Variants in PROSER2 observed in about 807,000 individuals in gnomAD.
The protein encoded by PROSER2 is proline and serine-rich protein 2.
In PROSER2, 18 loss-of-function variants were observed where a neutral mutation model predicts 14.6. The observed-to-expected ratio is 1.23, with a 90% CI of 0.85 to 1.83. The LOEUF is 1.83. PROSER2 is among the 40% of genes most tolerant of loss of function. The pLI is 0.00. For synonymous variants in PROSER2, 367 were observed against 286.4 expected, an observed-to-expected ratio of 1.28 and a Z score of -2.84; for missense variants, 823 against 629.8, an observed-to-expected ratio of 1.31 and a Z score of -3.28.
At chr10:11,855,932 G>T (rs986012056) in intron 2 of PROSER2, among the ~76,000 whole-genome samples, 2 of 152,188 alleles carry the variant, frequency 1.3e-5, no homozygotes, top group Non-Finnish European at 2.9e-5. Context: ...AGTTGTGTGT[G>T]TGCATTTTTT....
chr10:11,860,452 C>T (rs1272787157), intron 2 of PROSER2, among the ~76,000 whole-genome samples: 2 of 151,646 alleles, frequency 1.3e-5, no homozygotes, highest in African/African-American at 4.8e-5. Flanking sequence ...CCCGTCTCTG[C>T]TAAAAATACA....
intron 1 of PROSER2, among the ~76,000 whole-genome samples, chr10:11,842,851 G>A (rs537376144): frequency 4.7e-5 from 7 of 150,394 alleles, no homozygotes; most frequent in South Asian, 4.2e-4. Flanking sequence ...ATATGTGTGC[G>A]TGAATGTGTG....
At position 11,836,265 on chromosome 10, in the gene PROSER2, C is replaced by G. The variant is rs1033762907; in HGVS notation, c.-82+12795C>G. ...AGGCTGGTGTGCAGTGGTGTGATCT[C>G]CACTCACTGCAGCCTCCACCTTCCA... On this transcript the variant is annotated intron_variant, in intron 1 of 3. Coordinates refer to ENST00000277570, the MANE Select transcript of PROSER2 (RefSeq NM_153256.4). The surrounding 1 kb of genome is among the most constrained non-coding windows in gnomAD (Gnocchi z 4.6). Among the ~76,000 whole-genome samples the G allele has an allele frequency of 1.3e-5, 2 of 151,954 alleles. No homozygotes were observed. Among genetic ancestry groups the G allele is most frequent in the Non-Finnish European group, 2.9e-5 (2 of 67,996 alleles).
At chr10:11,827,527 T>C (rs191013474) in intron 1 of PROSER2, among the ~76,000 whole-genome samples, 2 of 152,128 alleles carry the variant, frequency 1.3e-5, no homozygotes, top group Non-Finnish European at 2.9e-5. Flanking sequence ...TTGTCTGACT[T>C]GCGCTTTGTC....
At position 11,847,172 on chromosome 10, in the gene PROSER2, T is replaced by A. The variant is rs1325136887; in HGVS notation, c.-81-4825T>A. On this transcript the variant is annotated intron_variant, in intron 1 of 3. Coordinates refer to ENST00000277570, the MANE Select transcript of PROSER2 (RefSeq NM_153256.4). Reference sequence around the variant, plus strand: ...ATAAATAAATATATATATATATATATATATATATATATGAATCCAAAATGC... The same window carrying A: ...ATAAATAAATATATATATATATATAAATATATATATATGAATCCAAAATGC... 8.6e-3 allele frequency among the ~76,000 whole-genome samples: 1,272 copies of A among 148,468 alleles called. 21 individuals carry two copies. The highest frequency in any genetic ancestry group is 0.029 in the African/African-American group (1,199 of 40,818).
At position 11,838,769 on chromosome 10, in the gene PROSER2, C is replaced by T. The variant is rs1018306160; in HGVS notation, c.-81-13228C>T. Reference sequence around the variant, plus strand: ...AGTGAGGTTGAACATCTGTCTTGTACTTAATAATCATCTGGTTTCCTCGTT... The same window carrying T: ...AGTGAGGTTGAACATCTGTCTTGTATTTAATAATCATCTGGTTTCCTCGTT... On this transcript the variant is annotated intron_variant, in intron 1 of 3. Transcript: ENST00000277570. This position sits in a 1 kb window ranked among gnomAD's most constrained non-coding sequence, Gnocchi z 4.4. Among the ~76,000 whole-genome samples, 1 of 152,208 alleles carries T rather than the reference C, an allele frequency of 6.6e-6. No homozygotes were observed. Among genetic ancestry groups the T allele is most frequent in the Admixed American group, 6.5e-5 (1 of 15,280 alleles).
At chr10:11,829,575 C>T (rs1372521622) in intron 1 of PROSER2, among the ~76,000 whole-genome samples, 5 of 150,978 alleles carry the variant, frequency 3.3e-5, no homozygotes, top group African/African-American at 1.2e-4. Flanking sequence ...GAGCGAGACC[C>T]TGTCTCAAAA....
chr10:11,865,995 C>T lies in PROSER2; in HGVS notation c.139-536C>T, dbSNP rs147193123. ...GTCAGTTTCCACCTGTCCTGCTCTCCGGCTGCCCTGCTTTTGGCTGTTGGA... is the reference window on the plus strand; with the variant it reads ...GTCAGTTTCCACCTGTCCTGCTCTCTGGCTGCCCTGCTTTTGGCTGTTGGA... On this transcript the variant is annotated intron_variant, in intron 2 of 3. Transcript: ENST00000277570. The surrounding 1 kb of genome is among the most constrained non-coding windows in gnomAD (Gnocchi z 4.2). Among the ~76,000 whole-genome samples, 14 of 152,218 alleles carry T rather than the reference C, an allele frequency of 9.2e-5. No individual in the cohort carries two copies. In the East Asian group the frequency reaches 9.7e-4, roughly 11 times the overall value.
In PROSER2 at chr10:11,870,301, G is replaced by T. The variant is rs983412094; in HGVS notation, c.1203G>T (p.Leu401=). 2.0e-6 allele frequency: 3 copies of T among 1,494,048 alleles called. No homozygotes were observed. The highest frequency in any genetic ancestry group is 1.8e-6 in the Non-Finnish European group (2 of 1,128,286). 92.5% of individuals were successfully genotyped at this position (1,494,048 alleles called of 1,614,324 possible). ...GAQDWRRADS[L]PRPQGITVQF... ...AGGACTGGCGCCGCGCAGACTCCCT[G>T]CCCCGGCCCCAGGGCATCACCGTGC... is the stretch of plus-strand genomic sequence containing the variant. Residue 401 remains leucine, a synonymous_variant, in exon 4 of 4, where the codon CTG becomes CTT. Transcript: ENST00000277570.
rs149476852 is a variant in PROSER2 at position 11,830,000 on chromosome 10, T to A, written c.-82+6530T>A. Among the ~76,000 whole-genome samples the A allele has an allele frequency of 4.7e-3, 715 of 152,090 alleles. 9 individuals carry two copies. The highest frequency in any genetic ancestry group is 0.017 in the African/African-American group (690 of 41,516). ...CTGGGACTACAGGCGTGTGCCCCCA[T>A]GCCTGGCTAATTTTTGCATTTTAGT... is the stretch of plus-strand genomic sequence containing the variant. On this transcript the variant is annotated intron_variant, in intron 1 of 3. Coordinates refer to ENST00000277570, the MANE Select transcript of PROSER2 (RefSeq NM_153256.4).
Position 11,833,235 on chromosome 10 carries a change from C to CTTTTTTTTTTTTTTT in PROSER2, c.-82+9772_-82+9786dup, listed in dbSNP as rs5783233. The stretch of plus-strand genomic sequence containing the variant: ...ACAAGTATTATACAAAATGTTGTGG[C>CTTTTTTTTTTTTTTT]TTTTTTTTTTTTTTTTTTTTTAGTT... On this transcript the variant is annotated intron_variant, in intron 1 of 3. Transcript: ENST00000277570. Among the ~76,000 whole-genome samples the CTTTTTTTTTTTTTTT allele has an allele frequency of 1.9e-4, 17 of 87,662 alleles. 1 individual carries two copies. The highest frequency in any genetic ancestry group is 2.2e-4 in the Non-Finnish European group (11 of 50,382). 57.5% of individuals were successfully genotyped at this position (87,662 alleles called of 152,430 possible).
At chr10:11,826,622 G>A (rs1424914674) in intron 1 of PROSER2, among the ~76,000 whole-genome samples, 1 of 152,174 alleles carries the variant, frequency 6.6e-6, no homozygotes, top group African/African-American at 2.4e-5. Context: ...CTGTCAGCCA[G>A]GCTGGAGTGC....
chr10:11,860,742 C>T (rs1014359435), intron 2 of PROSER2, among the ~76,000 whole-genome samples: 4 of 152,166 alleles, frequency 2.6e-5, no homozygotes, highest in African/African-American at 4.8e-5. Flanking sequence ...CGTGGGGATC[C>T]GAGCAAGGGT....
At position 11,869,799 on chromosome 10, in the gene PROSER2, G is replaced by A. The variant is rs763957726; in HGVS notation, c.701G>A (p.Arg234His). Residue 234 changes from arginine (R) to histidine (H), a missense_variant, in exon 4 of 4, where the codon CGC (arginine) becomes CAC (histidine). Physicochemically the swap from Arg to His is conservative, Grantham distance 29. Coordinates refer to ENST00000277570, the MANE Select transcript of PROSER2 (RefSeq NM_153256.4). The surrounding 1 kb of genome is among the most constrained non-coding windows in gnomAD (Gnocchi z 4.4). Reference sequence around the variant, plus strand: ...AGGACACCTGCCGCCCGGGGGCCCCGCAGTGGAGACCCTGGCCCGGGGCCC... The same window carrying A: ...AGGACACCTGCCGCCCGGGGGCCCCACAGTGGAGACCCTGGCCCGGGGCCC... Reference protein sequence around the residue: ...EWRTPAARGPRSGDPGPGPSH... With the variant: ...EWRTPAARGPHSGDPGPGPSH... 2 of 1,555,990 alleles carry A rather than the reference G, an allele frequency of 1.3e-6. No individual in the cohort carries two copies. The highest frequency in any genetic ancestry group is 4.7e-5 in the East Asian group (2 of 42,528).
At chr10:11,847,627 C>G (rs920590577) in intron 1 of PROSER2, among the ~76,000 whole-genome samples, 4 of 152,160 alleles carry the variant, frequency 2.6e-5, no homozygotes, top group African/African-American at 9.7e-5. Flanking sequence ...CTATGTTGGC[C>G]AGGCTGGTCT....
chr10:11,846,913 A>G (rs1224304866), intron 1 of PROSER2, among the ~76,000 whole-genome samples: 1 of 151,474 alleles, frequency 6.6e-6, no homozygotes, highest in Non-Finnish European at 1.5e-5. Context: ...TGATTTTGCT[A>G]TTTTTGGTAG....
chr10:11,836,500 A>T lies in PROSER2; in HGVS notation c.-82+13030A>T, dbSNP rs1471685685. ...GTGTGAGCCACCACGCCTGGCCAGG[A>T]TGTCGCTTTAAAGACAATTTCTTTC... On this transcript the variant is annotated intron_variant, in intron 1 of 3. Coordinates refer to ENST00000277570, the MANE Select transcript of PROSER2 (RefSeq NM_153256.4). The surrounding 1 kb of genome is among the most constrained non-coding windows in gnomAD (Gnocchi z 4.6). Among the ~76,000 whole-genome samples the T allele has an allele frequency of 1.3e-5, 2 of 152,106 alleles. No individual in the cohort carries two copies. Among genetic ancestry groups the T allele is most frequent in the Admixed American group, 6.6e-5 (1 of 15,252 alleles).
chr10:11,825,658 C>T (rs1015591372), intron 1 of PROSER2, among the ~76,000 whole-genome samples: 2 of 152,210 alleles, frequency 1.3e-5, no homozygotes, highest in Non-Finnish European at 1.5e-5. Flanking sequence ...CCTTTCTAGA[C>T]TGGCAGCATT....
intron 2 of PROSER2, among the ~76,000 whole-genome samples, chr10:11,857,958 G>A (rs1356597218): frequency 6.6e-6 from 1 of 151,998 alleles, no homozygotes; most frequent in Admixed American, 6.6e-5. Flanking sequence ...CCCCAAGATG[G>A]AGTCTTGCTC....
Sources: allele counts gnomAD v4.1 joint callset (sites outside exome capture counted in the v4.1 genomes callset), GRCh38; gene constraint gnomAD v4.1.1; non-coding constraint Gnocchi (gnomAD v3.1); transcripts MANE v1.5; gene names NCBI Gene and HGNC (gene_info 2026-07-23, HGNC 2026-07-21).